The following DNAI7 variants were observed in gnomAD, a reference collection of about 807,000 sequenced individuals.
DNAI7 encodes the protein cancer susceptibility 1.
In DNAI7, 78 loss-of-function variants were observed where a neutral mutation model predicts 86.6. The ratio of observed to expected loss-of-function variants is 0.90; its 90% CI spans 0.75 to 1.09. The LOEUF is 1.09. DNAI7 is among the 50% of genes least tolerant of loss of function. DNAI7 has a pLI of 0.00. For synonymous variants in DNAI7, 274 were observed against 273.0 expected, an observed-to-expected ratio of 1.00 and a Z score of -0.04; for missense variants, 753 against 810.2, an observed-to-expected ratio of 0.93 and a Z score of 0.86.
At chr12:25,185,642 A>G (rs1949959593) in intron 2 of DNAI7, 55 of 207,916 alleles carry the variant, frequency 2.6e-4, no homozygotes, top group Non-Finnish European at 4.2e-4. Flanking sequence ...AAATTGATTT[A>G]ATTCCCTCAT....
intron 2 of DNAI7, among the ~76,000 whole-genome samples, chr12:25,165,138 C>T (rs12809376): frequency 4.6e-5 from 7 of 152,150 alleles, no homozygotes; most frequent in Admixed American, 1.3e-4. Flanking sequence ...GGCCGTCTTA[C>T]ACTCAATATA....
intron 2 of DNAI7, among the ~76,000 whole-genome samples, chr12:25,170,409 C>T (rs11047872): frequency 0.087 from 13,008 of 149,704 alleles, 1,737 homozygotes; most frequent in African/African-American, 0.29. Context: ...AAAAAAGCCT[C>T]GTCCAACAGG....
intron 4 of DNAI7, 34 bp downstream of exon 4, chr12:25,158,438 G>A (rs1472842370): frequency 1.3e-6 from 2 of 1,495,756 alleles, no homozygotes; most frequent in Admixed American, 1.7e-5. Context: ...CATAGTTTAA[G>A]TATTCATTAA....
chr12:25,193,657 C>CT (rs1477613047), intron 1 of DNAI7, among the ~76,000 whole-genome samples: 2 of 148,086 alleles, frequency 1.4e-5, no homozygotes, highest in Non-Finnish European at 3.0e-5. Flanking sequence ...ATGGGCCACA[C>CT]TTTGAGAAAC....
chr12:25,118,387 C>A (rs1342662412), intron 12 of DNAI7, among the ~76,000 whole-genome samples: 2 of 152,076 alleles, frequency 1.3e-5, no homozygotes, highest in Non-Finnish European at 2.9e-5. Context: ...CCTCAGCCTG[C>A]GGAGTAGCTG....
At chr12:25,129,773 T>TA (rs1002799369) in intron 9 of DNAI7, among the ~76,000 whole-genome samples, 19 of 152,112 alleles carry the variant, frequency 1.2e-4, no homozygotes, top group African/African-American at 4.3e-4. Flanking sequence ...TTTTATTTTT[T>TA]TTTTTTGACA....
chr12:25,147,159 A>T, intron 7 of DNAI7, 55 bp from the exon 8 acceptor site: 1 of 864,762 alleles, frequency 1.2e-6, no homozygotes, highest in Non-Finnish European at 1.9e-6. Flanking sequence ...AAATTATACA[A>T]ATTAGATAAG....
At chr12:25,109,118 G>GAAAT (rs1346414956) in intron 15 of DNAI7, among the ~76,000 whole-genome samples, 1 of 152,142 alleles carries the variant, frequency 6.6e-6, no homozygotes, top group African/African-American at 2.4e-5. Context: ...AAACACAGAA[G>GAAAT]AAATATAGAC....
At chr12:25,109,533 G>C (rs932506730) in intron 15 of DNAI7, among the ~76,000 whole-genome samples, 1 of 150,338 alleles carries the variant, frequency 6.7e-6, no homozygotes, top group Non-Finnish European at 1.5e-5. Flanking sequence ...ATTACAGGTG[G>C]GAGCCACTGC....
chr12:25,189,327 C>T (rs745561042), intron 2 of DNAI7, among the ~76,000 whole-genome samples: 26 of 152,072 alleles, frequency 1.7e-4, no homozygotes, highest in Non-Finnish European at 2.8e-4. Context: ...GAGGTATGCA[C>T]GAATGCATGT....
chr12:25,144,420 A>T lies in DNAI7; in HGVS notation c.947T>A (p.Ile316Asn), dbSNP rs1000229405. ...SKQQERGSHLIQEEEIKVEEE... is the reference protein window; with the variant it reads ...SKQQERGSHLNQEEEIKVEEE... ...CTCAACTTTTATTTCTTCCTCCTGAATTAAGTGAGACCCTCTTTCTTGTTG... is the reference window on the plus strand; with the variant it reads ...CTCAACTTTTATTTCTTCCTCCTGATTTAAGTGAGACCCTCTTTCTTGTTG... The change falls in exon 9 of 16, where the codon ATT becomes AAT. Residue 316 changes from isoleucine to asparagine, a missense_variant. Physicochemically the swap from Ile to Asn is moderately radical, Grantham distance 149. Coordinates refer to ENST00000395987, the MANE Select transcript of DNAI7 (RefSeq NM_018272.5). 2.5e-6 allele frequency: 4 copies of T among 1,613,988 alleles called. No homozygotes were observed. The highest frequency in any genetic ancestry group is 3.4e-6 in the Non-Finnish European group (4 of 1,179,994).
intron 2 of DNAI7, among the ~76,000 whole-genome samples, chr12:25,172,407 A>T (rs1255646097): frequency 6.6e-6 from 1 of 152,174 alleles, no homozygotes; most frequent in African/African-American, 2.4e-5. Context: ...GAGGTGACAG[A>T]CCTCTATAAG....
chr12:25,115,116 T>C (rs1476211269), intron 12 of DNAI7, among the ~76,000 whole-genome samples: 1 of 152,174 alleles, frequency 6.6e-6, no homozygotes, highest in Non-Finnish European at 1.5e-5. Flanking sequence ...CCCTTGCCAC[T>C]CCTCAAGGGA....
intron 2 of DNAI7, among the ~76,000 whole-genome samples, chr12:25,164,137 C>T (rs1011557453): frequency 6.6e-6 from 1 of 151,890 alleles, no homozygotes; most frequent in African/African-American, 2.4e-5. Context: ...GTCTCTACCC[C>T]TTCTCCGCTT....
intron 2 of DNAI7, among the ~76,000 whole-genome samples, chr12:25,178,405 A>G (rs906235010): frequency 5.9e-5 from 9 of 152,134 alleles, no homozygotes; most frequent in Admixed American, 5.9e-4. Context: ...AAATAATGTC[A>G]TTTATTGTTA....
chr12:25,166,656 AAAC>A (rs1288411788), intron 2 of DNAI7, among the ~76,000 whole-genome samples: 5 of 152,138 alleles, frequency 3.3e-5, no homozygotes, highest in South Asian at 4.2e-4. Flanking sequence ...CCCTTCTACA[AAAC>A]AACAACTCCT....
intron 9 of DNAI7, among the ~76,000 whole-genome samples, chr12:25,125,936 T>A (rs756827142): frequency 2.0e-5 from 3 of 152,204 alleles, no homozygotes; most frequent in Non-Finnish European, 4.4e-5. Context: ...TGTGGCCTTA[T>A]TTCTGGTCTC....
chr12:25,186,896 C>T (rs1239165595), intron 2 of DNAI7, among the ~76,000 whole-genome samples: 1 of 152,016 alleles, frequency 6.6e-6, no homozygotes, highest in African/African-American at 2.4e-5. Flanking sequence ...AACCTTTGTA[C>T]ACCTGTCAGA....
chr12:25,181,748 T>C (rs1349322782), intron 2 of DNAI7, among the ~76,000 whole-genome samples: 1 of 151,932 alleles, frequency 6.6e-6, no homozygotes, highest in Non-Finnish European at 1.5e-5. Context: ...AAAGAGGACA[T>C]ATAAGTGGCA....
Sources: allele counts gnomAD v4.1 joint callset (sites outside exome capture counted in the v4.1 genomes callset), GRCh38; gene constraint gnomAD v4.1.1; transcripts MANE v1.5; gene names NCBI Gene and HGNC (gene_info 2026-07-23, HGNC 2026-07-21).